The following PRELID2 variants were observed in gnomAD, a reference collection of about 807,000 sequenced individuals.
PRELID2 encodes PRELI domain-containing protein 2.
A neutral mutation model predicts 28.4 loss-of-function variants in PRELID2; 25 were observed. The observed-to-expected ratio is 0.88, with a 90% CI of 0.64 to 1.23. The LOEUF (loss-of-function observed/expected upper bound fraction) is 1.23, where lower values mean the gene tolerates loss of function less well. PRELID2 is among the 50% of genes most tolerant of loss of function. The probability of loss-of-function intolerance (pLI) is 0.00; values close to 1 mark genes in which losing one functional copy is unlikely to be tolerated. For synonymous variants in PRELID2, 76 were observed against 71.6 expected, an observed-to-expected ratio of 1.06 and a Z score of -0.31; for missense variants, 201 against 214.4, an observed-to-expected ratio of 0.94 and a Z score of 0.39.
intron 1 of PRELID2, among the ~76,000 whole-genome samples, chr5:145,669,441 C>T (rs1045099607): frequency 1.3e-5 from 2 of 152,062 alleles, no homozygotes; most frequent in Non-Finnish European, 2.9e-5. Context: ...AGAGACACTG[C>T]AAAACTCCTG....
chr5:145,674,037 A>G (rs1529705), intron 1 of PRELID2, among the ~76,000 whole-genome samples: 11,568 of 152,262 alleles, frequency 0.076, 647 homozygotes, highest in Admixed American at 0.19. Flanking sequence ...TTTCCTAAAT[A>G]TAAAGTTGAT....
the PRELID2 span, among the ~76,000 whole-genome samples, chr5:145,363,082 C>A: frequency 7.1e-6 from 1 of 139,874 alleles, no homozygotes. Flanking sequence ...ACAAGGCCTG[C>A]ATTCTTGATT....
At chr5:145,272,968 T>C in the PRELID2 span, among the ~76,000 whole-genome samples, 1 of 151,878 alleles carries the variant, frequency 6.6e-6, no homozygotes, top group African/African-American at 2.4e-5. Flanking sequence ...GGGCACAGAG[T>C]GCGTGGGACA....
the PRELID2 span, among the ~76,000 whole-genome samples, chr5:145,402,553 C>T: frequency 2.0e-5 from 3 of 152,108 alleles, no homozygotes; most frequent in East Asian, 1.9e-4. Flanking sequence ...AGCAGGTCTC[C>T]TTGTTTGGAA....
chr5:145,377,989 A>G, the PRELID2 span, among the ~76,000 whole-genome samples: 1 of 152,140 alleles, frequency 6.6e-6, no homozygotes, highest in Non-Finnish European at 1.5e-5. Flanking sequence ...AGTTCTGGTG[A>G]TAACAAATTC....
At chr5:145,685,227 G>GCTT (rs1230182293) in intron 1 of PRELID2, among the ~76,000 whole-genome samples, 1 of 152,038 alleles carries the variant, frequency 6.6e-6, no homozygotes, top group East Asian at 1.9e-4. Flanking sequence ...CACTTATGTG[G>GCTT]CTTCAGTAGC....
intron 5 of PRELID2, among the ~76,000 whole-genome samples, chr5:145,790,887 C>A (rs1461078847): frequency 1.2e-4 from 7 of 60,046 alleles, no homozygotes; most frequent in Non-Finnish European, 3.0e-4. Flanking sequence ...AATTTCACTT[C>A]TGGGTATATA....
At chr5:145,653,168 GGTA>G (rs1754329921) in intron 1 of PRELID2, among the ~76,000 whole-genome samples, 5 of 152,116 alleles carry the variant, frequency 3.3e-5, no homozygotes, top group African/African-American at 1.2e-4. Context: ...ATTACATAAT[GGTA>G]AAGGGATCAA....
intron 1 of PRELID2, among the ~76,000 whole-genome samples, chr5:145,560,030 G>T (rs559742582): frequency 6.6e-6 from 1 of 152,168 alleles, no homozygotes; most frequent in South Asian, 2.1e-4. Flanking sequence ...AACATGCTCA[G>T]AACATTTACA....
chr5:145,814,947 T>C (rs1489612823), intron 4 of PRELID2, among the ~76,000 whole-genome samples: 4 of 152,234 alleles, frequency 2.6e-5, no homozygotes, highest in East Asian at 1.9e-4. Flanking sequence ...TATTAACACA[T>C]TGGAAGGCAA....
chr5:145,612,707 G>C (rs969040920), intron 1 of PRELID2, among the ~76,000 whole-genome samples: 1 of 152,024 alleles, frequency 6.6e-6, no homozygotes, highest in Non-Finnish European at 1.5e-5. Context: ...GAAAACATAC[G>C]ATGTTTGGTT....
the PRELID2 span, among the ~76,000 whole-genome samples, chr5:145,315,731 C>T: frequency 1.3e-5 from 2 of 151,474 alleles, no homozygotes; most frequent in Non-Finnish European, 1.5e-5. Context: ...AAGTATGGCA[C>T]ATCCATATAA....
At chr5:145,819,785 T>G in intron 3 of PRELID2, 160 bp downstream of exon 3, 1 of 629,828 alleles carries the variant, frequency 1.6e-6, no homozygotes, top group East Asian at 2.8e-5. Context: ...CTGCTAAAAG[T>G]GAGGTTGGAT....
the PRELID2 span, among the ~76,000 whole-genome samples, chr5:145,400,989 A>T: frequency 6.6e-6 from 1 of 152,038 alleles, no homozygotes; most frequent in Non-Finnish European, 1.5e-5. Flanking sequence ...GGGTGTAATT[A>T]CCACCAGACA....
chr5:145,689,522 T>A (rs566825518), intron 1 of PRELID2, among the ~76,000 whole-genome samples: 1 of 152,064 alleles, frequency 6.6e-6, no homozygotes, highest in Non-Finnish European at 1.5e-5. Context: ...AGCCCCAGTA[T>A]CAAAAAGCCA....
At chr5:145,384,094 T>G in the PRELID2 span, among the ~76,000 whole-genome samples, 1 of 152,120 alleles carries the variant, frequency 6.6e-6, no homozygotes, top group Admixed American at 6.6e-5. Context: ...TAAGTGAAAG[T>G]GAGAACCACA....
chr5:145,468,288 T>G (rs1362755788), downstream of PRELID2, among the ~76,000 whole-genome samples: 1 of 151,254 alleles, frequency 6.6e-6, no homozygotes, highest in East Asian at 1.9e-4. Context: ...GGTATATATG[T>G]GCCACATTTT....
At chr5:145,753,668 T>A (rs554433117), downstream of PRELID2, among the ~76,000 whole-genome samples, 3 of 152,252 alleles carry the variant, frequency 2.0e-5, no homozygotes, top group African/African-American at 7.2e-5. Context: ...GGGAGCTACA[T>A]GCAACCCTGA....
At chr5:145,643,222 G>T (rs182832029) in intron 1 of PRELID2, among the ~76,000 whole-genome samples, 1 of 152,212 alleles carries the variant, frequency 6.6e-6, no homozygotes, top group East Asian at 1.9e-4. Context: ...TCCCTGAAGA[G>T]GTCCTTCATA....
Sources: allele counts gnomAD v4.1 joint callset (sites outside exome capture counted in the v4.1 genomes callset), GRCh38; gene constraint gnomAD v4.1.1; transcripts MANE v1.5; gene names NCBI Gene and HGNC (gene_info 2026-07-23, HGNC 2026-07-21).